Variants in IL1RAPL2 observed in about 807,000 individuals in gnomAD.
IL1RAPL2 encodes interleukin 1 receptor accessory protein like 2, also known as X-linked interleukin-1 receptor accessory protein-like 2.
In IL1RAPL2, 3 loss-of-function variants were observed where a neutral mutation model predicts 44.1. The ratio of observed to expected loss-of-function variants is 0.07; its 90% CI spans 0.03 to 0.18. The LOEUF (loss-of-function observed/expected upper bound fraction) is 0.18, where lower values mean the gene tolerates loss of function less well. IL1RAPL2 is among the 10% of genes least tolerant of loss of function. The pLI, the probability that IL1RAPL2 is intolerant of heterozygous loss-of-function variation, is 1.00. For missense variants in IL1RAPL2, 391 were observed against 496.4 expected (o/e 0.79, Z 2.02); for synonymous variants, 181 against 178.8 (o/e 1.01, Z -0.10).
chrX:105,211,418 C>T (rs1313427472), intron 3 of IL1RAPL2, among the ~76,000 whole-genome samples: 1 of 111,255 alleles, frequency 9.0e-6, no homozygotes, highest in Non-Finnish European at 1.9e-5. Flanking sequence ...AGTAGCAAAG[C>T]ACTGCCATGT....
chrX:104,805,468 A>G (rs1479333798), intron 2 of IL1RAPL2, among the ~76,000 whole-genome samples: 1 of 112,088 alleles, frequency 8.9e-6, no homozygotes, highest in East Asian at 2.8e-4. Context: ...AGAATTGGAC[A>G]CATAGTGTTC....
At chrX:105,067,638 TA>T (rs1476319801) in intron 2 of IL1RAPL2, among the ~76,000 whole-genome samples, 1 of 111,855 alleles carries the variant, frequency 8.9e-6, no homozygotes, top group South Asian at 3.7e-4. Flanking sequence ...TAAAAAGACA[TA>T]AAAACTATGT....
chrX:105,637,414 C>T (rs1448185786), intron 6 of IL1RAPL2, among the ~76,000 whole-genome samples: 1 of 111,067 alleles, frequency 9.0e-6, no homozygotes. Flanking sequence ...AGCCACTTGG[C>T]CCATCTGGAA....
chrX:104,853,842 G>T (rs986745703), intron 2 of IL1RAPL2, among the ~76,000 whole-genome samples: 10 of 101,189 alleles, frequency 9.9e-5, no homozygotes, highest in Non-Finnish European at 1.4e-4. Context: ...GGCGGAGCTT[G>T]CAGTGAGCCG....
At chrX:105,501,730 A>G in intron 6 of IL1RAPL2, among the ~76,000 whole-genome samples, 1 of 112,207 alleles carries the variant, frequency 8.9e-6, no homozygotes, top group Middle Eastern at 4.2e-3. Flanking sequence ...GGCTTAACGT[A>G]AGAAAAGTTT....
chrX:104,641,866 T>A (rs1327489922), intron 1 of IL1RAPL2, among the ~76,000 whole-genome samples: 1 of 111,638 alleles, frequency 9.0e-6, no homozygotes, highest in African/African-American at 3.3e-5. Context: ...ACTGTGTTCA[T>A]TCTGCCAAAA....
At chrX:104,996,697 G>A (rs181810042) in intron 2 of IL1RAPL2, among the ~76,000 whole-genome samples, 2 of 111,876 alleles carry the variant, frequency 1.8e-5, no homozygotes, top group Non-Finnish European at 3.8e-5. Context: ...AGACACTGTG[G>A]TAGGCCCTAA....
intron 2 of IL1RAPL2, among the ~76,000 whole-genome samples, chrX:105,068,122 T>G (rs1319499647): frequency 1.8e-5 from 2 of 111,825 alleles, no homozygotes; most frequent in African/African-American, 6.5e-5. Flanking sequence ...GGTCTTCCTT[T>G]TTTGCCTTTT....
chrX:105,245,629 G>C (rs999193533), intron 4 of IL1RAPL2, among the ~76,000 whole-genome samples: 1 of 112,569 alleles, frequency 8.9e-6, no homozygotes, highest in African/African-American at 3.2e-5. Flanking sequence ...ACAAATGAGA[G>C]ATAAGGATTC....
chrX:104,706,501 A>G, intron 2 of IL1RAPL2, among the ~76,000 whole-genome samples: 1 of 111,906 alleles, frequency 8.9e-6, no homozygotes, highest in Non-Finnish European at 1.9e-5. Flanking sequence ...CTCTTTTCAC[A>G]TAGTAATTAG....
At chrX:105,082,963 A>G in intron 2 of IL1RAPL2, among the ~76,000 whole-genome samples, 1 of 111,517 alleles carries the variant, frequency 9.0e-6, no homozygotes, top group South Asian at 3.8e-4. Flanking sequence ...TGATGAATTG[A>G]CAGAAGTAGG....
chrX:105,020,391 C>T (rs1395454842), intron 2 of IL1RAPL2, among the ~76,000 whole-genome samples: 1 of 111,839 alleles, frequency 8.9e-6, no homozygotes, highest in Admixed American at 9.5e-5. Context: ...GGAAATAGTG[C>T]AGTCAAGCAT....
chrX:105,436,761 C>A (rs2035884660), intron 5 of IL1RAPL2, among the ~76,000 whole-genome samples: 1 of 110,315 alleles, frequency 9.1e-6, no homozygotes, highest in South Asian at 3.8e-4. Context: ...CATTACATTA[C>A]TGAAATGAAG....
intron 2 of IL1RAPL2, among the ~76,000 whole-genome samples, chrX:105,120,711 C>G (rs1159535915): frequency 8.9e-6 from 1 of 111,826 alleles, no homozygotes; most frequent in African/African-American, 3.2e-5. Context: ...ACTATACTCC[C>G]CGATGTCTGC....
intron 2 of IL1RAPL2, among the ~76,000 whole-genome samples, chrX:105,073,753 G>A (rs1238384058): frequency 8.9e-6 from 1 of 111,774 alleles, no homozygotes; most frequent in African/African-American, 3.3e-5. Context: ...GGTGTGAGAT[G>A]GTATCTCATT....
At chrX:104,994,864 G>A (rs928740460) in intron 2 of IL1RAPL2, among the ~76,000 whole-genome samples, 5 of 110,877 alleles carry the variant, frequency 4.5e-5, no homozygotes, top group Admixed American at 1.9e-4. Flanking sequence ...TGATACACTA[G>A]GAGACTTGCA....
rs866360177 is a variant in IL1RAPL2, at chrX:104,855,681, G to T, written c.82+196686G>T. Reference sequence around the variant, plus strand: ...TTAACTGTGCTAAGGATCTGGATCCGTTTTTTTTTTTTTTTTTACTGTATC... The same window carrying T: ...TTAACTGTGCTAAGGATCTGGATCCTTTTTTTTTTTTTTTTTTACTGTATC... On this transcript the variant is annotated intron_variant, in intron 2 of 10. Coordinates refer to ENST00000372582, the MANE Select transcript of IL1RAPL2 (RefSeq NM_017416.2). Among the ~76,000 whole-genome samples, 516 of 53,800 alleles carry T rather than the reference G, an allele frequency of 9.6e-3. 8 individuals are homozygous for T. The highest frequency in any genetic ancestry group is 0.03 in the African/African-American group (491 of 16,472). The allele number at this position is 53,800 out of a possible 115,157, so 46.7% of individuals were successfully genotyped here. A position where few individuals can be genotyped will look rare whatever the true frequency, so the allele number is the denominator to read the frequency against.
chrX:105,457,199 A>C (rs1476946580), intron 5 of IL1RAPL2, among the ~76,000 whole-genome samples: 3 of 111,361 alleles, frequency 2.7e-5, no homozygotes, highest in African/African-American at 9.8e-5. Context: ...TTTATATTTA[A>C]GGTAATCATT....
intron 6 of IL1RAPL2, among the ~76,000 whole-genome samples, chrX:105,662,567 AG>A (rs1569462910): frequency 8.9e-5 from 10 of 112,279 alleles, no homozygotes; most frequent in Admixed American, 4.7e-4. Context: ...CCTCTCTCTT[AG>A]AGTATGGGCT....
Sources: allele counts gnomAD v4.1 joint callset (sites outside exome capture counted in the v4.1 genomes callset), GRCh38; gene constraint gnomAD v4.1.1; transcripts MANE v1.5; gene names NCBI Gene and HGNC (gene_info 2026-07-23, HGNC 2026-07-21).